The following MNAT1 variants were observed in gnomAD, a reference collection of about 807,000 sequenced individuals.
MNAT1 encodes CDK-activating kinase assembly factor MAT1.
Under a neutral mutation model 42.0 loss-of-function variants are expected in MNAT1, and 43 were observed. That is an observed-to-expected ratio of 1.02 (90% CI 0.80 to 1.32). The LOEUF (loss-of-function observed/expected upper bound fraction) is 1.32, where lower values mean the gene tolerates loss of function less well. Among genes scored for constraint, MNAT1 ranks in the 40% most tolerant of loss-of-function variants. The pLI, the probability that MNAT1 is intolerant of heterozygous loss-of-function variation, is 0.00. For missense variants in MNAT1, 306 were observed against 350.4 expected, an observed-to-expected ratio of 0.87 and a Z score of 1.01; for synonymous variants, 118 against 120.0, an observed-to-expected ratio of 0.98 and a Z score of 0.11.
chr14:60,743,179 A>G (rs1896520825), intron 1 of MNAT1, among the ~76,000 whole-genome samples: 1 of 152,140 alleles, frequency 6.6e-6, no homozygotes, highest in Non-Finnish European at 1.5e-5. Flanking sequence ...TGAAGTGGTG[A>G]AATATAGTCT....
intron 7 of MNAT1, among the ~76,000 whole-genome samples, chr14:60,886,050 A>T (rs964015176): frequency 1.3e-5 from 2 of 152,014 alleles, no homozygotes; most frequent in Non-Finnish European, 2.9e-5. Context: ...TCATGCCCTT[A>T]TCAAAAATTA....
intron 6 of MNAT1, among the ~76,000 whole-genome samples, chr14:60,865,885 T>G (rs547701700): frequency 4.4e-4 from 67 of 152,210 alleles, no homozygotes; most frequent in African/African-American, 1.5e-3. Flanking sequence ...ACCACTGTAC[T>G]GAAGCTCCTC....
At chr14:60,807,359 G>A (rs2032404439) in intron 3 of MNAT1, among the ~76,000 whole-genome samples, 1 of 152,116 alleles carries the variant, frequency 6.6e-6, no homozygotes, top group Admixed American at 6.6e-5. Context: ...AAACCCAAGG[G>A]ATAGAGCAGA....
intron 1 of MNAT1, among the ~76,000 whole-genome samples, chr14:60,747,071 T>C (rs576588115): frequency 4.7e-5 from 7 of 148,678 alleles, no homozygotes; most frequent in East Asian, 4.0e-4. Flanking sequence ...CTGCAAGCTC[T>C]GCCTCCCAGG....
intron 6 of MNAT1, among the ~76,000 whole-genome samples, chr14:60,837,070 C>G (rs2033411435): frequency 6.6e-6 from 1 of 152,160 alleles, no homozygotes; most frequent in Non-Finnish European, 1.5e-5. Flanking sequence ...ATGCCCCTAC[C>G]CCCACCAAGC....
chr14:60,918,756 A>ATATTTT (rs1300123652), intron 7 of MNAT1, among the ~76,000 whole-genome samples: 73 of 147,962 alleles, frequency 4.9e-4, no homozygotes, highest in East Asian at 4.4e-3. Context: ...ATATATATAT[A>ATATTTT]TTTTTGTCCT....
intron 6 of MNAT1, 64 bp from the exon 7 acceptor site, chr14:60,879,650 T>A: frequency 6.9e-7 from 1 of 1,456,914 alleles, no homozygotes; most frequent in Non-Finnish European, 9.4e-7. Flanking sequence ...TTAAAATGAT[T>A]ATAAATAAGT....
At chr14:60,937,642 A>G (rs1037305409) in intron 7 of MNAT1, among the ~76,000 whole-genome samples, 3 of 152,156 alleles carry the variant, frequency 2.0e-5, no homozygotes, top group East Asian at 1.9e-4. Flanking sequence ...GCCTTGTAAT[A>G]TAGTTTGAAG....
intron 7 of MNAT1, among the ~76,000 whole-genome samples, chr14:60,950,308 A>T (rs2036357045): frequency 6.6e-6 from 1 of 152,214 alleles, no homozygotes; most frequent in Non-Finnish European, 1.5e-5. Context: ...CTAAGAGTTC[A>T]GTTTATGAGA....
At chr14:60,737,659 C>G (rs915698998) in intron 1 of MNAT1, among the ~76,000 whole-genome samples, 18 of 151,936 alleles carry the variant, frequency 1.2e-4, no homozygotes, top group African/African-American at 4.4e-4. Context: ...GTAAAAATCA[C>G]AAGGTAATGT....
At chr14:60,735,492 A>C (rs1896278890) in intron 1 of MNAT1, among the ~76,000 whole-genome samples, 1 of 152,198 alleles carries the variant, frequency 6.6e-6, no homozygotes, top group South Asian at 2.1e-4. Flanking sequence ...AATTTTGAAG[A>C]TATAATAATG....
chr14:60,953,543 G>T (rs117237507), intron 7 of MNAT1, among the ~76,000 whole-genome samples: 33 of 152,268 alleles, frequency 2.2e-4, no homozygotes, highest in Non-Finnish European at 4.0e-4. Context: ...AGCATGCTTT[G>T]TATTGAAATT....
intron 6 of MNAT1, among the ~76,000 whole-genome samples, chr14:60,875,529 A>C (rs535823961): frequency 4.7e-4 from 71 of 152,146 alleles, no homozygotes; most frequent in Non-Finnish European, 9.6e-4. Flanking sequence ...ATGATTAAGT[A>C]CCATTAATAG....
chr14:60,926,628 G>T (rs543736281), intron 7 of MNAT1, among the ~76,000 whole-genome samples: 1 of 152,286 alleles, frequency 6.6e-6, no homozygotes, highest in South Asian at 2.1e-4. Flanking sequence ...GGAGCACAGA[G>T]CTTCCATGCC....
chr14:60,915,976 C>A (rs1392072728), intron 7 of MNAT1, among the ~76,000 whole-genome samples: 1 of 152,216 alleles, frequency 6.6e-6, no homozygotes, highest in Non-Finnish European at 1.5e-5. Flanking sequence ...CACATTTGGA[C>A]AGCTCTCATC....
chr14:60,884,496 A>G (rs563504206), intron 7 of MNAT1, among the ~76,000 whole-genome samples: 4 of 152,190 alleles, frequency 2.6e-5, no homozygotes, highest in Admixed American at 2.0e-4. Context: ...TGCAAACACT[A>G]TCTTATAACC....
At chr14:60,907,899 C>T (rs1416186948) in intron 7 of MNAT1, among the ~76,000 whole-genome samples, 1 of 150,604 alleles carries the variant, frequency 6.6e-6, no homozygotes, top group Non-Finnish European at 1.5e-5. Context: ...TTCTGCCAAA[C>T]TCATCCTTAT....
At chr14:60,946,884 C>T (rs779973541) in intron 7 of MNAT1, among the ~76,000 whole-genome samples, 1 of 152,198 alleles carries the variant, frequency 6.6e-6, no homozygotes, top group Non-Finnish European at 1.5e-5. Flanking sequence ...GTCTATTTCT[C>T]ATAATTCTGG....
intron 7 of MNAT1, among the ~76,000 whole-genome samples, chr14:60,945,554 C>A (rs764754364): frequency 6.6e-6 from 1 of 152,132 alleles, no homozygotes; most frequent in Non-Finnish European, 1.5e-5. Flanking sequence ...GGGGCACTTT[C>A]TAAAATTCCT....
Sources: allele counts gnomAD v4.1 joint callset (sites outside exome capture counted in the v4.1 genomes callset), GRCh38; gene constraint gnomAD v4.1.1; transcripts MANE v1.5; gene names NCBI Gene and HGNC (gene_info 2026-07-23, HGNC 2026-07-21).